CHMP3: variants seen among roughly 807,000 people sequenced by gnomAD.
The protein encoded by CHMP3 is charged multivesicular body protein 3, also known as 25.1 protein.
CHMP3 carries 8 observed loss-of-function variants against 27.4 expected under a neutral mutation model. The ratio of observed to expected loss-of-function variants is 0.29; its 90% CI spans 0.17 to 0.53. The LOEUF (loss-of-function observed/expected upper bound fraction) is 0.53, where lower values mean the gene tolerates loss of function less well. Ranked by LOEUF, CHMP3 falls within the 20% of genes least tolerant of loss-of-function variation. CHMP3 has a pLI of 0.96. For synonymous variants in CHMP3, 86 were observed against 85.5 expected (o/e 1.01, Z -0.03); for missense variants, 208 against 271.5 (o/e 0.77, Z 1.64).
At chr2:86,557,815 G>GTA (rs1677184894) in intron 1 of CHMP3, among the ~76,000 whole-genome samples, 1 of 152,038 alleles carries the variant, frequency 6.6e-6, no homozygotes, top group Non-Finnish European at 1.5e-5. Flanking sequence ...CAAAGACTTT[G>GTA]TATATACTTA....
chr2:86,525,404 A>G (rs1402312248), intron 3 of CHMP3, among the ~76,000 whole-genome samples: 3 of 152,070 alleles, frequency 2.0e-5, no homozygotes, highest in Non-Finnish European at 4.4e-5. Flanking sequence ...CTATGCATAT[A>G]TATACTGTTC....
intron 1 of CHMP3, among the ~76,000 whole-genome samples, chr2:86,545,734 C>T (rs552489436): frequency 5.8e-5 from 8 of 137,292 alleles, no homozygotes; most frequent in Admixed American, 1.5e-4. Flanking sequence ...CCAGATGGGG[C>T]GGCTGGGCAG....
intron 3 of CHMP3, 59 bp downstream of exon 3, chr2:86,529,159 G>A (rs1675819248): frequency 3.3e-5 from 48 of 1,445,024 alleles, no homozygotes; most frequent in Non-Finnish European, 4.2e-5. Context: ...AGGAACCCGT[G>A]TTGATAATAA....
intron 1 of CHMP3, among the ~76,000 whole-genome samples, chr2:86,557,532 A>G (rs1235393980): frequency 6.6e-6 from 1 of 152,078 alleles, no homozygotes; most frequent in East Asian, 1.9e-4. Context: ...TACCTCTCCA[A>G]TGTTACATCT....
intron 1 of CHMP3, among the ~76,000 whole-genome samples, chr2:86,553,359 G>A (rs1211160967): frequency 6.6e-6 from 1 of 151,762 alleles, no homozygotes; most frequent in African/African-American, 2.4e-5. Context: ...TTGAGATGGA[G>A]TCTTGCTCTG....
At chr2:86,506,642 T>C (rs1208595626) in intron 5 of CHMP3, among the ~76,000 whole-genome samples, 1 of 151,288 alleles carries the variant, frequency 6.6e-6, no homozygotes, top group Non-Finnish European at 1.5e-5. Flanking sequence ...TTTTTTTTTT[T>C]TTTGAGACAG....
At chr2:86,548,179 CTTTT>C (rs55949258) in intron 1 of CHMP3, among the ~76,000 whole-genome samples, 1 of 116,072 alleles carries the variant, frequency 8.6e-6, no homozygotes. Flanking sequence ...GAGGAGTTCT[CTTTT>C]TTTTTTTTTT....
Position 86,505,690 on chromosome 2 carries a change from C to A in CHMP3, c.*114G>T, listed in dbSNP as rs964041979. On this transcript the variant is annotated 3_prime_UTR_variant, in exon 6 of 6. Transcript: ENST00000263856. ...AACCTGGGCAGAGAATGAAAAGAGA[C>A]AAACAGAACCTTCTCCAAAATGGTA... is the stretch of plus-strand genomic sequence containing the variant. 130 of 1,304,838 alleles carry A rather than the reference C, an allele frequency of 1.0e-4. 1 individual carries two copies. The Admixed American group carries it at 2.0e-3, about 20-fold the overall frequency. 80.8% of individuals were successfully genotyped at this position (1,304,838 alleles called of 1,614,324 possible). A position where few individuals can be genotyped will look rare whatever the true frequency, so the allele number is the denominator to read the frequency against.
rs534054848 is a variant in CHMP3 at position 86,535,229 on chromosome 2, T to C, written c.107-5832A>G. On this transcript the variant is annotated intron_variant, in intron 2 of 5. Transcript: ENST00000263856. ...TGTGTCACGACGCTGCACTCCAGCCTGGGTGACAGAGCAAGACCCTATCTC... is the reference window on the plus strand; with the variant it reads ...TGTGTCACGACGCTGCACTCCAGCCCGGGTGACAGAGCAAGACCCTATCTC... Among the ~76,000 whole-genome samples the C allele has an allele frequency of 9.1e-5, 13 of 142,260 alleles. No individual in the cohort carries two copies. The East Asian group carries it at 1.6e-3, about 18-fold the overall frequency. 93.3% of individuals were successfully genotyped at this position (142,260 alleles called of 152,430 possible). A position where few individuals can be genotyped will look rare whatever the true frequency, so the allele number is the denominator to read the frequency against.
intron 2 of CHMP3, 139 bp downstream of exon 2, chr2:86,542,113 C>CA: frequency 3.5e-6 from 3 of 867,628 alleles, no homozygotes; most frequent in Non-Finnish European, 5.2e-6. Flanking sequence ...AATTAAAAAG[C>CA]AAAATCAGTC....
At chr2:86,554,926 G>A (rs1050257593) in intron 1 of CHMP3, among the ~76,000 whole-genome samples, 7 of 149,698 alleles carry the variant, frequency 4.7e-5, no homozygotes, top group African/African-American at 9.9e-5. Context: ...GGCTCACTGC[G>A]ACCTCTGCCT....
intron 1 of CHMP3, among the ~76,000 whole-genome samples, chr2:86,555,838 C>G (rs1434474202): frequency 1.3e-5 from 2 of 152,172 alleles, no homozygotes. Context: ...AATAACTCCC[C>G]ATCTCAAGAA....
intron 1 of CHMP3, among the ~76,000 whole-genome samples, chr2:86,561,463 T>C (rs1240146453): frequency 2.0e-5 from 3 of 152,192 alleles, no homozygotes; most frequent in Non-Finnish European, 2.9e-5. Context: ...GGGAGCTTAT[T>C]AGAAATCTCA....
At chr2:86,524,811 C>T (rs1675637057) in intron 3 of CHMP3, among the ~76,000 whole-genome samples, 1 of 152,168 alleles carries the variant, frequency 6.6e-6, no homozygotes, top group African/African-American at 2.4e-5. Context: ...CATAGAGATT[C>T]ATTTGGGTAT....
At chr2:86,517,108 A>G (rs929201735) in intron 3 of CHMP3, among the ~76,000 whole-genome samples, 30 of 152,336 alleles carry the variant, frequency 2.0e-4, no homozygotes, top group Non-Finnish European at 4.4e-4. Context: ...CTAAAAACAT[A>G]AGCCTTAATT....
intron 2 of CHMP3, 70 bp downstream of exon 2, chr2:86,542,181 GT>G (rs1391265641): frequency 4.7e-6 from 7 of 1,482,598 alleles, no homozygotes; most frequent in Non-Finnish European, 6.6e-6. Flanking sequence ...TATAAATGCA[GT>G]TTATTTTTAT....
At chr2:86,553,080 AT>A (rs1328496600) in intron 1 of CHMP3, among the ~76,000 whole-genome samples, 1 of 152,018 alleles carries the variant, frequency 6.6e-6, no homozygotes, top group African/African-American at 2.4e-5. Context: ...AGAACAGCTA[AT>A]GGATACTGGG....
chr2:86,505,793 G>T lies in CHMP3; in HGVS notation c.*11C>A. Reference sequence around the variant, plus strand: ...GAGGAGTGTGTGCACACCCAGCGGGGTAGGCAGCCCCTAGCTGCGGAGTGT... The same window carrying T: ...GAGGAGTGTGTGCACACCCAGCGGGTTAGGCAGCCCCTAGCTGCGGAGTGT... On this transcript the variant is annotated 3_prime_UTR_variant, in exon 6 of 6. Coordinates refer to ENST00000263856, the MANE Select transcript of CHMP3 (RefSeq NM_016079.4). 1 of 1,566,288 alleles carries T rather than the reference G, an allele frequency of 6.4e-7. No individual in the cohort carries two copies.
At chr2:86,555,300 G>C (rs1677075793) in intron 1 of CHMP3, among the ~76,000 whole-genome samples, 1 of 152,108 alleles carries the variant, frequency 6.6e-6, no homozygotes, top group Non-Finnish European at 1.5e-5. Flanking sequence ...ATTTATGACA[G>C]TGACTGTCAC....
Sources: gnomAD v4.1 joint callset for allele counts (sites outside exome capture counted in the v4.1 genomes callset) on GRCh38, gnomAD v4.1.1 for gene constraint, MANE v1.5 for transcripts, NCBI Gene and HGNC (gene_info 2026-07-23, HGNC 2026-07-21) for gene names.